CTNNA2: variants seen among roughly 807,000 people sequenced by gnomAD.
CTNNA2 encodes catenin alpha-2.
A neutral mutation model predicts 101.0 loss-of-function variants in CTNNA2; 42 were observed. The observed-to-expected ratio is 0.42, with a 90% CI of 0.32 to 0.54. The LOEUF is 0.54. Ranked by LOEUF, CTNNA2 falls within the 20% of genes least tolerant of loss-of-function variation. CTNNA2 has a pLI of 0.14. For missense variants in CTNNA2, 871 were observed against 1,223.1 expected (o/e 0.71, Z 4.29); for synonymous variants, 450 against 456.4 (o/e 0.99, Z 0.18).
intron 7 of CTNNA2, among the ~76,000 whole-genome samples, chr2:80,335,037 G>A (rs952886927): frequency 1.3e-5 from 2 of 152,218 alleles, no homozygotes; most frequent in African/African-American, 4.8e-5. Flanking sequence ...CAATGACAGA[G>A]AGGTGACTTT....
At chr2:79,236,245 C>T (rs966369241) in intron 2 of CTNNA2, among the ~76,000 whole-genome samples, 7 of 152,316 alleles carry the variant, frequency 4.6e-5, no homozygotes, top group South Asian at 4.1e-4. Flanking sequence ...CAATCTTCCC[C>T]GCTCAGCCTC....
chr2:79,220,603 A>G (rs921073265), intron 2 of CTNNA2, among the ~76,000 whole-genome samples: 7 of 152,140 alleles, frequency 4.6e-5, no homozygotes, highest in African/African-American at 1.7e-4. Context: ...TGTTTAGAGT[A>G]AGCAGATGGG....
intron 6 of CTNNA2, among the ~76,000 whole-genome samples, chr2:79,876,842 G>T (rs1476364454): frequency 2.6e-5 from 4 of 152,134 alleles, no homozygotes; most frequent in African/African-American, 9.6e-5. Context: ...TGTTGTTGTT[G>T]TTTTTCCTGA....
chr2:80,315,147 A>G (rs1286295399), intron 7 of CTNNA2, among the ~76,000 whole-genome samples: 1 of 152,162 alleles, frequency 6.6e-6, no homozygotes, highest in East Asian at 1.9e-4. Flanking sequence ...GAAGAAAAGG[A>G]GGGAAAATAA....
chr2:79,782,142 A>C, intron 3 of CTNNA2, among the ~76,000 whole-genome samples: 1 of 152,296 alleles, frequency 6.6e-6, no homozygotes, highest in Admixed American at 6.5e-5. Flanking sequence ...ATTTACAATA[A>C]TTATGTTTAA....
chr2:80,523,375 A>G (rs977869615), intron 9 of CTNNA2, among the ~76,000 whole-genome samples: 1 of 152,146 alleles, frequency 6.6e-6, no homozygotes, highest in African/African-American at 2.4e-5. Flanking sequence ...CTGTAAATTG[A>G]GAGAAGAAAC....
At chr2:79,684,837 T>A (rs1683827815) in intron 2 of CTNNA2, among the ~76,000 whole-genome samples, 1 of 152,206 alleles carries the variant, frequency 6.6e-6, no homozygotes, top group Admixed American at 6.5e-5. Flanking sequence ...CCAAATTTCC[T>A]TTAAATGTTT....
At chr2:80,001,333 T>G (rs1251584366) in intron 7 of CTNNA2, among the ~76,000 whole-genome samples, 2 of 152,188 alleles carry the variant, frequency 1.3e-5, no homozygotes, top group Non-Finnish European at 2.9e-5. Flanking sequence ...CTTCCCCTTA[T>G]ATCATGATAT....
intron 2 of CTNNA2, among the ~76,000 whole-genome samples, chr2:79,227,284 AG>A (rs1393390939): frequency 6.6e-6 from 1 of 152,204 alleles, no homozygotes; most frequent in African/African-American, 2.4e-5. Context: ...CAATGAACCC[AG>A]GGGTAGGACT....
intron 1 of CTNNA2, among the ~76,000 whole-genome samples, chr2:79,637,608 T>G (rs553058894): frequency 6.6e-6 from 1 of 152,206 alleles, no homozygotes; most frequent in African/African-American, 2.4e-5. Context: ...AGGTCTAGTC[T>G]TCTCTGACAA....
intron 4 of CTNNA2, among the ~76,000 whole-genome samples, chr2:79,404,324 T>C (rs1305000928): frequency 6.6e-6 from 1 of 151,972 alleles, no homozygotes; most frequent in Non-Finnish European, 1.5e-5. Context: ...GTTTTTCTTG[T>C]CCCCTCCCTC....
chr2:79,276,725 A>T (rs1558596901), intron 2 of CTNNA2, among the ~76,000 whole-genome samples: 1 of 151,736 alleles, frequency 6.6e-6, no homozygotes, highest in Non-Finnish European at 1.5e-5. Context: ...TCATGTTGTA[A>T]TCTATGCGTT....
chr2:79,287,135 G>T (rs1012633730), intron 2 of CTNNA2, among the ~76,000 whole-genome samples: 1 of 151,990 alleles, frequency 6.6e-6, no homozygotes, highest in African/African-American at 2.4e-5. Flanking sequence ...CTCTGTATTG[G>T]TTATTCTAGT....
At chr2:79,781,893 T>G (rs1674471850) in intron 3 of CTNNA2, among the ~76,000 whole-genome samples, 1 of 152,204 alleles carries the variant, frequency 6.6e-6, no homozygotes, top group Non-Finnish European at 1.5e-5. Context: ...TTTAAACAAT[T>G]TAAACTCTAC....
chr2:79,677,512 C>T (rs1362124006), intron 2 of CTNNA2, among the ~76,000 whole-genome samples: 2 of 152,146 alleles, frequency 1.3e-5, no homozygotes, highest in Non-Finnish European at 2.9e-5. Flanking sequence ...AACACACACA[C>T]ACGTTAATAT....
intron 12 of CTNNA2, among the ~76,000 whole-genome samples, chr2:80,568,503 G>T (rs1694260025): frequency 6.6e-6 from 1 of 151,786 alleles, no homozygotes; most frequent in South Asian, 2.1e-4. Flanking sequence ...ATGTGAAACA[G>T]TTGACATACA....
chr2:79,363,650 G>A (rs947631715), intron 3 of CTNNA2, among the ~76,000 whole-genome samples: 15 of 151,942 alleles, frequency 9.9e-5, no homozygotes, highest in African/African-American at 3.6e-4. Context: ...TGTCCCGTCT[G>A]ACACTTGGTT....
At chr2:79,895,629 A>G (rs548365568) in intron 6 of CTNNA2, among the ~76,000 whole-genome samples, 21 of 151,868 alleles carry the variant, frequency 1.4e-4, no homozygotes, top group Middle Eastern at 3.4e-3. Flanking sequence ...AAAAAATTCA[A>G]CCATTGATCA....
chr2:79,540,518 A>C (rs181792921), intron 1 of CTNNA2, among the ~76,000 whole-genome samples: 135 of 152,276 alleles, frequency 8.9e-4, no homozygotes, highest in African/African-American at 3.1e-3. Context: ...CTCCCCACCC[A>C]AAATTATACT....
Sources: allele counts gnomAD v4.1 joint callset (sites outside exome capture counted in the v4.1 genomes callset), GRCh38; gene constraint gnomAD v4.1.1; transcripts MANE v1.5; gene names NCBI Gene and HGNC (gene_info 2026-07-23, HGNC 2026-07-21).